The following MAOB variants were observed in gnomAD, a reference collection of about 807,000 sequenced individuals.
MAOB encodes the protein amine oxidase [flavin-containing] B.
Under a neutral mutation model 41.9 loss-of-function variants are expected in MAOB, and 15 were observed. The observed-to-expected ratio is 0.36, with a 90% CI of 0.24 to 0.55. The LOEUF is 0.55. Among genes scored for constraint, MAOB ranks in the 20% least tolerant of loss-of-function variants. The pLI is 0.86. For synonymous variants in MAOB, 167 were observed against 144.2 expected, an observed-to-expected ratio of 1.16 and a Z score of -1.13; for missense variants, 345 against 398.7, an observed-to-expected ratio of 0.87 and a Z score of 1.15.
chrX:43,834,848 T>C (rs918833334), intron 3 of MAOB, among the ~76,000 whole-genome samples: 1 of 112,677 alleles, frequency 8.9e-6, no homozygotes, highest in Non-Finnish European at 1.9e-5. Flanking sequence ...GACCAAAAAG[T>C]CCTTTTGCTC....
intron 3 of MAOB, among the ~76,000 whole-genome samples, chrX:43,811,169 A>G (rs1302129471): frequency 1.8e-5 from 2 of 111,591 alleles, no homozygotes; most frequent in East Asian, 5.6e-4. Context: ...GCTGGGTCAC[A>G]CATCCATTAC....
intron 3 of MAOB, among the ~76,000 whole-genome samples, chrX:43,824,489 G>C (rs953338411): frequency 1.8e-5 from 2 of 111,586 alleles, no homozygotes; most frequent in African/African-American, 6.5e-5. Flanking sequence ...TTCGAGACCA[G>C]TCTGGCCAAC....
At position 43,822,862 on chromosome X, in the gene MAOB, CAGT is replaced by C. The variant is rs936604596; in HGVS notation, c.279+16003_279+16005del. On this transcript the variant is annotated intron_variant, in intron 3 of 14. Transcript: ENST00000378069. The stretch of plus-strand genomic sequence containing the variant: ...TCACCATCATCACCACCACCACCAC[CAGT>C]ATCATCATGATCATTACCACCATCA... Among the ~76,000 whole-genome samples the C allele has an allele frequency of 9.0e-5, 10 of 111,039 alleles. No individual in the cohort carries two copies. The South Asian group carries it at 2.7e-3, about 30-fold the overall frequency.
intron 3 of MAOB, 106 bp from the exon 4 acceptor site, chrX:43,803,510 A>C: frequency 1.9e-6 from 2 of 1,032,261 alleles, no homozygotes; most frequent in East Asian, 3.8e-5. Context: ...TGAGTTATCA[A>C]TATGTGATAT....
chrX:43,808,705 C>CAA (rs1203127693), intron 3 of MAOB, among the ~76,000 whole-genome samples: 1 of 106,335 alleles, frequency 9.4e-6, no homozygotes, highest in Non-Finnish European at 1.9e-5. Context: ...CATAGACACA[C>CAA]ACACACACAC....
chrX:43,770,947 T>A (rs1373986831), intron 12 of MAOB, among the ~76,000 whole-genome samples: 2 of 111,800 alleles, frequency 1.8e-5, no homozygotes, highest in South Asian at 7.6e-4. Flanking sequence ...TTATTCATCC[T>A]GTCTCATGGT....
chrX:43,845,397 A>G (rs1284683888), intron 1 of MAOB, among the ~76,000 whole-genome samples: 2 of 112,554 alleles, frequency 1.8e-5, no homozygotes, highest in African/African-American at 3.2e-5. Context: ...AAAGATTCCT[A>G]TAAAATAGCT....
intron 12 of MAOB, among the ~76,000 whole-genome samples, chrX:43,770,396 T>G (rs1029045409): frequency 3.6e-5 from 4 of 111,571 alleles, no homozygotes; most frequent in Admixed American, 2.9e-4. Flanking sequence ...CCTAAGGGCA[T>G]GCCTTAATAT....
At chrX:43,829,505 G>T (rs2034990493) in intron 3 of MAOB, among the ~76,000 whole-genome samples, 1 of 111,938 alleles carries the variant, frequency 8.9e-6, no homozygotes, top group Admixed American at 9.5e-5. Flanking sequence ...ATTCTCTTAG[G>T]GTAGTCTCTC....
intron 1 of MAOB, among the ~76,000 whole-genome samples, chrX:43,882,014 G>T (rs1441199397): frequency 8.9e-6 from 1 of 112,204 alleles, no homozygotes; most frequent in Non-Finnish European, 1.9e-5. Flanking sequence ...TTCAAAGTCT[G>T]GCCCCAGAGC....
chrX:43,860,381 C>A (rs1457793790), intron 1 of MAOB, among the ~76,000 whole-genome samples: 1 of 111,378 alleles, frequency 9.0e-6, no homozygotes, highest in Non-Finnish European at 1.9e-5. Flanking sequence ...CCTCTCTAGT[C>A]ATTTCCATCT....
chrX:43,797,241 A>G lies in MAOB; in HGVS notation c.502T>C (p.Phe168Leu). 1 of 1,200,881 alleles carries G rather than the reference A, an allele frequency of 8.3e-7. No individual in the cohort carries two copies. The highest frequency in any genetic ancestry group is 1.7e-5 in the African/African-American group (1 of 57,604). ...TCTGCAGTGACACACAGGTTCACAA[A>G]GAGAGTGGCAAGCTGCTTTGCAGAT... ...TESAKQLATL[F>L]VNLCVTAETH... Residue 168 changes from phenylalanine (F) to leucine (L), a missense_variant, in exon 6 of 15, where the codon TTT becomes CTT. Physicochemically the swap from Phe to Leu is conservative, Grantham distance 22. Coordinates refer to ENST00000378069, the MANE Select transcript of MAOB (RefSeq NM_000898.5).
chrX:43,876,955 C>G (rs2035444032), intron 1 of MAOB, among the ~76,000 whole-genome samples: 1 of 112,265 alleles, frequency 8.9e-6, no homozygotes, highest in Non-Finnish European at 1.9e-5. Flanking sequence ...CCACTAGTTG[C>G]TAGTGGACAT....
chrX:43,788,331 C>A (rs2034424867), intron 8 of MAOB, among the ~76,000 whole-genome samples: 1 of 111,540 alleles, frequency 9.0e-6, no homozygotes, highest in Admixed American at 9.6e-5. Context: ...TAGGCCCCAC[C>A]TCCAACACTG....
intron 1 of MAOB, among the ~76,000 whole-genome samples, chrX:43,873,246 C>T (rs1169216398): frequency 9.0e-6 from 1 of 111,716 alleles, no homozygotes; most frequent in Non-Finnish European, 1.9e-5. Flanking sequence ...TACACACACA[C>T]CACTGGGATC....
At chrX:43,868,837 G>T (rs751512155) in intron 1 of MAOB, among the ~76,000 whole-genome samples, 1 of 108,421 alleles carries the variant, frequency 9.2e-6, no homozygotes. Flanking sequence ...CACAGAAAAC[G>T]TAATTTCACA....
intron 3 of MAOB, 59 bp from the exon 4 acceptor site, chrX:43,803,463 T>C (rs2034623373): frequency 4.4e-6 from 5 of 1,130,867 alleles, no homozygotes; most frequent in Non-Finnish European, 5.8e-6. Flanking sequence ...AAGTAGGTAA[T>C]CTGCCAAATT....
chrX:43,849,507 C>CA (rs1473439896), intron 1 of MAOB, among the ~76,000 whole-genome samples: 1 of 112,574 alleles, frequency 8.9e-6, no homozygotes, highest in Non-Finnish European at 1.9e-5. Flanking sequence ...AGTAAATTTC[C>CA]AAAACATGTC....
intron 3 of MAOB, among the ~76,000 whole-genome samples, chrX:43,823,420 G>A (rs1025187343): frequency 7.3e-5 from 8 of 110,297 alleles, no homozygotes; most frequent in Admixed American, 2.9e-4. Flanking sequence ...TGATCCTCCC[G>A]CCTGGGCCTC....
Sources: allele counts gnomAD v4.1 joint callset (sites outside exome capture counted in the v4.1 genomes callset), GRCh38; gene constraint gnomAD v4.1.1; transcripts MANE v1.5; gene names NCBI Gene and HGNC (gene_info 2026-07-23, HGNC 2026-07-21).